Variants in CDKAL1 observed in about 807,000 individuals in gnomAD.
The protein encoded by CDKAL1 is threonylcarbamoyladenosine tRNA methylthiotransferase.
Under a neutral mutation model 68.2 loss-of-function variants are expected in CDKAL1, and 32 were observed. The ratio of observed to expected loss-of-function variants is 0.47; its 90% CI spans 0.35 to 0.63. CDKAL1 has a LOEUF of 0.63. CDKAL1 is among the 30% of genes least tolerant of loss of function. The probability of loss-of-function intolerance (pLI) is 0.00; values close to 1 mark genes in which losing one functional copy is unlikely to be tolerated. For synonymous variants in CDKAL1, 234 were observed against 244.3 expected (o/e 0.96, Z 0.39); for missense variants, 606 against 696.7 (o/e 0.87, Z 1.47).
At chr6:20,633,897 A>G (rs1370173075) in intron 4 of CDKAL1, among the ~76,000 whole-genome samples, 1 of 152,054 alleles carries the variant, frequency 6.6e-6, no homozygotes, top group East Asian at 1.9e-4. Context: ...TTGTGATAGT[A>G]TTTTCTTTTT....
chr6:20,882,231 CG>C (rs1346528635), intron 9 of CDKAL1, among the ~76,000 whole-genome samples: 3 of 152,172 alleles, frequency 2.0e-5, no homozygotes, highest in Non-Finnish European at 4.4e-5. Context: ...TCTCCAAAGG[CG>C]GAAGAACGCT....
chr6:20,705,915 C>A (rs912909714), intron 5 of CDKAL1, among the ~76,000 whole-genome samples: 13 of 152,266 alleles, frequency 8.5e-5, no homozygotes, highest in African/African-American at 3.1e-4. Flanking sequence ...AGTATGTGTT[C>A]ATAGCGGGGT....
intron 8 of CDKAL1, among the ~76,000 whole-genome samples, chr6:20,791,823 C>CT (rs989041581): frequency 2.2e-4 from 33 of 151,228 alleles, no homozygotes; most frequent in Middle Eastern, 3.4e-3. Context: ...CCTTTCTTGC[C>CT]TTTTTTTTTC....
chr6:20,616,770 GA>G (rs1451465510), intron 4 of CDKAL1, among the ~76,000 whole-genome samples: 1 of 151,468 alleles, frequency 6.6e-6, no homozygotes, highest in Non-Finnish European at 1.5e-5. Flanking sequence ...TTGGGAGGCT[GA>G]GGTGGGCAGA....
intron 4 of CDKAL1, among the ~76,000 whole-genome samples, chr6:20,551,936 C>T (rs889848396): frequency 3.3e-5 from 5 of 151,116 alleles, no homozygotes; most frequent in African/African-American, 1.2e-4. Context: ...CTATGTTTGC[C>T]CAGGCTGGCC....
At chr6:20,624,519 T>G (rs1195262320) in intron 4 of CDKAL1, among the ~76,000 whole-genome samples, 2 of 152,042 alleles carry the variant, frequency 1.3e-5, no homozygotes, top group African/African-American at 4.8e-5. Context: ...CTGCTTTTGA[T>G]GTAATTGGGT....
intron 2 of CDKAL1, 115 bp from the exon 3 acceptor site, chr6:20,546,231 T>G (rs1763596537): frequency 2.8e-6 from 2 of 719,188 alleles, no homozygotes; most frequent in African/African-American, 3.5e-5. Flanking sequence ...TCTATAAATT[T>G]GAAGTTAGAT....
chr6:20,607,586 T>C (rs1766387609), intron 4 of CDKAL1, among the ~76,000 whole-genome samples: 1 of 152,170 alleles, frequency 6.6e-6, no homozygotes, highest in African/African-American at 2.4e-5. Flanking sequence ...TGGGGATTTA[T>C]AGGAATAGAA....
chr6:21,162,453 G>C (rs184790693), intron 13 of CDKAL1, among the ~76,000 whole-genome samples: 2 of 152,312 alleles, frequency 1.3e-5, no homozygotes, highest in East Asian at 3.9e-4. Flanking sequence ...GAACTCTGAG[G>C]CCCATTCCAT....
chr6:21,124,526 T>A (rs112905479), intron 13 of CDKAL1, among the ~76,000 whole-genome samples: 13 of 152,106 alleles, frequency 8.5e-5, no homozygotes, highest in African/African-American at 2.9e-4. Context: ...CTCCAGCTAC[T>A]GAACCAAAAC....
At chr6:20,881,487 T>C (rs960032660) in intron 9 of CDKAL1, among the ~76,000 whole-genome samples, 2 of 152,252 alleles carry the variant, frequency 1.3e-5, no homozygotes, top group Admixed American at 6.5e-5. Context: ...GAATGGACTC[T>C]TTCTGTTTTC....
chr6:20,926,860 G>A (rs1272739973), intron 9 of CDKAL1, among the ~76,000 whole-genome samples: 1 of 148,812 alleles, frequency 6.7e-6, no homozygotes, highest in Non-Finnish European at 1.5e-5. Context: ...CTTTCAGTAG[G>A]TAATATACCA....
chr6:20,833,371 C>T (rs77255816), intron 8 of CDKAL1, among the ~76,000 whole-genome samples: 3,330 of 152,238 alleles, frequency 0.022, 59 homozygotes, highest in Non-Finnish European at 0.034. Context: ...TTTTCCTATA[C>T]GTGTTCTTAA....
chr6:20,951,747 A>T (rs1764533719), intron 9 of CDKAL1, among the ~76,000 whole-genome samples: 1 of 152,170 alleles, frequency 6.6e-6, no homozygotes, highest in Admixed American at 6.5e-5. Context: ...AATTTTTGGG[A>T]AAACGAAAAC....
chr6:21,011,551 G>A (rs1424393587), intron 11 of CDKAL1, among the ~76,000 whole-genome samples: 1 of 152,176 alleles, frequency 6.6e-6, no homozygotes, highest in Non-Finnish European at 1.5e-5. Flanking sequence ...AATATTAAGA[G>A]ATTAGTAAAA....
At chr6:20,775,195 A>T (rs981920691) in intron 7 of CDKAL1, among the ~76,000 whole-genome samples, 4 of 152,182 alleles carry the variant, frequency 2.6e-5, no homozygotes, top group African/African-American at 7.2e-5. Flanking sequence ...TCATGTCATT[A>T]TCAGTTGATC....
intron 13 of CDKAL1, among the ~76,000 whole-genome samples, chr6:21,193,779 A>C (rs1048976591): frequency 6.6e-6 from 1 of 152,106 alleles, no homozygotes; most frequent in Non-Finnish European, 1.5e-5. Flanking sequence ...GAATGTTACA[A>C]TTCTCTTGAC....
chr6:21,080,798 G>T (rs748683129), intron 12 of CDKAL1, among the ~76,000 whole-genome samples: 1 of 152,122 alleles, frequency 6.6e-6, no homozygotes, highest in Non-Finnish European at 1.5e-5. Context: ...GGATGGAGCC[G>T]TGTTTTTGTG....
At chr6:20,714,782 A>C (rs1225218895) in intron 5 of CDKAL1, among the ~76,000 whole-genome samples, 2 of 152,196 alleles carry the variant, frequency 1.3e-5, no homozygotes, top group African/African-American at 4.8e-5. Context: ...TTGTATATTA[A>C]AATAAAACAC....
Sources: gnomAD v4.1 joint callset for allele counts (sites outside exome capture counted in the v4.1 genomes callset) on GRCh38, gnomAD v4.1.1 for gene constraint, MANE v1.5 for transcripts, NCBI Gene and HGNC (gene_info 2026-07-23, HGNC 2026-07-21) for gene names.